The following CCDC40 variants were observed in gnomAD, a reference collection of about 807,000 sequenced individuals.
CCDC40 encodes coiled-coil domain 40 molecular ruler complex subunit.
In CCDC40, 104 loss-of-function variants were observed where a neutral mutation model predicts 124.5. The observed-to-expected ratio is 0.84, with a 90% CI of 0.71 to 0.98. The LOEUF (loss-of-function observed/expected upper bound fraction) is 0.98. Among genes scored for constraint, CCDC40 ranks in the 50% least tolerant of loss-of-function variants. The pLI, the probability that CCDC40 is intolerant of heterozygous loss-of-function variation, is 0.00. For missense variants in CCDC40, 1,463 were observed against 1,503.9 expected (o/e 0.97, Z 0.45); for synonymous variants, 580 against 602.9 (o/e 0.96, Z 0.56).
At chr17:80,052,882 A>G (rs1189511460) in intron 7 of CCDC40, among the ~76,000 whole-genome samples, 1 of 152,250 alleles carries the variant, frequency 6.6e-6, no homozygotes, top group Non-Finnish European at 1.5e-5. Flanking sequence ...ACAAAGTGTT[A>G]GGAAAAGGGG....
In CCDC40 at chr17:80,051,648, A is replaced by G. The variant is rs1430906036; in HGVS notation, c.1159+1365A>G. On this transcript the variant is annotated intron_variant, in intron 7 of 19. Coordinates refer to ENST00000397545, the MANE Select transcript of CCDC40 (RefSeq NM_017950.4). ...CGTCTCAAAAAAAAAAAAAAAAAAA[A>G]AAAAAAGAAAAAAGAACCTCTCTCC... Among the ~76,000 whole-genome samples, 227 of 150,374 alleles carry G rather than the reference A, an allele frequency of 1.5e-3. 1 individual carries two copies. The highest frequency in any genetic ancestry group is 4.1e-3 in the East Asian group (21 of 5,142).
rs2037540861 is a variant in CCDC40, at chr17:80,050,063, G to C, written c.940-1G>C. 4 of 1,614,024 alleles carry C rather than the reference G, an allele frequency of 2.5e-6. No individual in the cohort carries two copies. Among genetic ancestry groups the C allele is most frequent in the Middle Eastern group, 1.7e-4 (1 of 6,060 alleles). The stretch of plus-strand genomic sequence containing the variant: ...TGACCCTGTTTCTCTCTTTGGTCCA[G>C]GTTGTGGCTACCAAGCAGAGCCGAG... On this transcript the variant is annotated splice_acceptor_variant, in intron 6 of 19. Coordinates refer to ENST00000397545, the MANE Select transcript of CCDC40 (RefSeq NM_017950.4). LOFTEE classifies it high-confidence loss of function.
chr17:80,040,246 C>G lies in CCDC40; in HGVS notation c.528C>G (p.Thr176=), dbSNP rs1452935554. The change falls in exon 3 of 20, where the codon ACC becomes ACG. Residue 176 remains threonine, a synonymous_variant. Coordinates refer to ENST00000397545, the MANE Select transcript of CCDC40 (RefSeq NM_017950.4). Reference sequence around the variant, plus strand: ...CGTCGGAGCAAATGGGCCAGGTCACCTCTGGGCCAGCAGTGGGCAGATTGG... The same window carrying G: ...CGTCGGAGCAAATGGGCCAGGTCACGTCTGGGCCAGCAGTGGGCAGATTGG... ...LGPSEQMGQV[T]SGPAVGRLTG... The G allele has an allele frequency of 4.3e-6, 7 of 1,613,808 alleles. No homozygotes were observed. Among genetic ancestry groups the G allele is most frequent in the Non-Finnish European group, 5.9e-6 (7 of 1,179,954 alleles).
At position 80,040,222 on chromosome 17, in the gene CCDC40, G is replaced by T. The variant is rs74000351; in HGVS notation, c.504G>T (p.Pro168=). The T allele has an allele frequency of 4.3e-6, 7 of 1,613,960 alleles. No homozygotes were observed. The highest frequency in any genetic ancestry group is 5.9e-6 in the Non-Finnish European group (7 of 1,179,964). The change falls in exon 3 of 20, where the codon CCG becomes CCT. Residue 168 remains proline, a synonymous_variant. Transcript: ENST00000397545. ...SPEPSHGVLG[P]SEQMGQVTSG... ...AGCCATCCCACGGAGTCTTAGGCCC[G>T]TCGGAGCAAATGGGCCAGGTCACCT...
chr17:80,054,640 A>C (rs2037691758), intron 7 of CCDC40, among the ~76,000 whole-genome samples: 1 of 152,214 alleles, frequency 6.6e-6, no homozygotes, highest in Admixed American at 6.5e-5. Context: ...AATAATTCAC[A>C]ATTAGGAAAT....
chr17:80,079,341 A>G (rs1312787692), intron 10 of CCDC40, among the ~76,000 whole-genome samples: 1 of 152,048 alleles, frequency 6.6e-6, no homozygotes, highest in East Asian at 1.9e-4. Context: ...TCGTTCATAC[A>G]TATGCATTAT....
intron 7 of CCDC40, among the ~76,000 whole-genome samples, chr17:80,050,488 G>A (rs2037556883): frequency 6.6e-6 from 1 of 152,220 alleles, no homozygotes; most frequent in Admixed American, 6.5e-5. Context: ...CTGTCACCCA[G>A]GCTGGAGTGC....
At chr17:80,044,737 A>ATATATATATATC (rs1568671789) in intron 3 of CCDC40, among the ~76,000 whole-genome samples, 1 of 139,140 alleles carries the variant, frequency 7.2e-6, no homozygotes, top group Non-Finnish European at 1.6e-5. Context: ...ATATATATAT[A>ATATATATATATC]TCTCAACAAC....
At chr17:80,056,016 A>ATATATATTTTTTTTTT (rs71163913) in intron 7 of CCDC40, among the ~76,000 whole-genome samples, 7 of 10,242 alleles carry the variant, frequency 6.8e-4, no homozygotes, top group African/African-American at 1.4e-3. Flanking sequence ...ATATATATAT[A>ATATATATTTTTTTTTT]TTTTTTTTTT....
chr17:80,050,311 C>A, intron 7 of CCDC40, 28 bp downstream of exon 7: 1 of 1,530,890 alleles, frequency 6.5e-7, no homozygotes, highest in Non-Finnish European at 8.8e-7. Flanking sequence ...CCCCACACGC[C>A]ATCCGGTCCT....
intron 10 of CCDC40, among the ~76,000 whole-genome samples, chr17:80,078,677 G>C (rs1224977768): frequency 6.6e-6 from 1 of 152,170 alleles, no homozygotes; most frequent in African/African-American, 2.4e-5. Flanking sequence ...TTTCTAACTA[G>C]AGCTTTATGG....
chr17:80,077,479 C>T (rs1202877082), intron 10 of CCDC40, among the ~76,000 whole-genome samples: 6 of 152,286 alleles, frequency 3.9e-5, no homozygotes, highest in Admixed American at 1.3e-4. Flanking sequence ...GCCGAGATTG[C>T]GCCATTGCAC....
At chr17:80,081,255 C>T (rs944261180) in intron 10 of CCDC40, among the ~76,000 whole-genome samples, 64 of 152,150 alleles carry the variant, frequency 4.2e-4, no homozygotes, top group Admixed American at 7.9e-4. Flanking sequence ...CATGGTGGCG[C>T]ACACCTGTAA....
At chr17:80,047,169 T>A (rs913995455) in intron 3 of CCDC40, 110 bp from the exon 4 acceptor site, 1 of 1,222,526 alleles carries the variant, frequency 8.2e-7, no homozygotes, top group South Asian at 1.3e-5. Flanking sequence ...AACACACAGG[T>A]GACTATATTT....
At chr17:80,059,167 G>A (rs138032270) in intron 9 of CCDC40, among the ~76,000 whole-genome samples, 187 bp downstream of exon 9, 300 of 152,298 alleles carry the variant, frequency 2.0e-3, no homozygotes, top group Middle Eastern at 6.8e-3. Context: ...TGGACAGCCC[G>A]GATTCCTATT....
At chr17:80,048,495 C>A in intron 4 of CCDC40, 88 bp from the exon 5 acceptor site, 1 of 1,064,840 alleles carries the variant, frequency 9.4e-7, no homozygotes, top group Non-Finnish European at 1.4e-6. Context: ...TGAGGCATGA[C>A]AGCAGCTGTG....
Position 80,058,897 on chromosome 17 carries a change from C to T in CCDC40, c.1357C>T (p.Leu453=), listed in dbSNP as rs768081633. Residue 453 remains leucine (L), a synonymous_variant, in exon 9 of 20, where the codon CTG becomes TTG. Transcript: ENST00000397545. The surrounding 1 kb of genome is among the most constrained non-coding windows in gnomAD (Gnocchi z 4.2). ...VDQLTTRAQQ[L]EEDIALFEAQ... The stretch of plus-strand genomic sequence containing the variant: ...CCAGCTCACCACTCGAGCCCAGCAA[C>T]TGGAAGAAGACATTGCCCTGTTTGA... 6 of 1,614,188 alleles carry T rather than the reference C, an allele frequency of 3.7e-6. No homozygotes were observed. In the East Asian group the frequency reaches 6.7e-5, roughly 18 times the overall value.
In CCDC40 at chr17:80,050,074, C is replaced by T. The variant is rs751751403; in HGVS notation, c.950C>T (p.Thr317Ile). The T allele has an allele frequency of 5.6e-5, 90 of 1,613,352 alleles. No individual in the cohort carries two copies. The highest frequency in any genetic ancestry group is 7.3e-5 in the Non-Finnish European group (86 of 1,179,920). ...KLDLQELVVATKQSRAQRQEL... is the reference protein window; with the variant it reads ...KLDLQELVVAIKQSRAQRQEL... ...CTCTCTTTGGTCCAGGTTGTGGCTA[C>T]CAAGCAGAGCCGAGCCCAGCGGCAG... Residue 317 changes from threonine to isoleucine, a missense_variant, in exon 7 of 20, where the codon ACC becomes ATC. Thr to Ile is a moderately conservative substitution (Grantham distance 89). Transcript: ENST00000397545.
At chr17:80,078,650 A>T (rs546170025) in intron 10 of CCDC40, among the ~76,000 whole-genome samples, 29 of 152,158 alleles carry the variant, frequency 1.9e-4, no homozygotes, top group Non-Finnish European at 3.1e-4. Flanking sequence ...TCATTCTTTC[A>T]CCAATACCAC....
Sources: gnomAD v4.1 joint callset for allele counts (sites outside exome capture counted in the v4.1 genomes callset) on GRCh38, gnomAD v4.1.1 for gene constraint, Gnocchi (gnomAD v3.1) non-coding constraint, MANE v1.5 for transcripts, NCBI Gene and HGNC (gene_info 2026-07-23, HGNC 2026-07-21) for gene names.